Variants in PLCG2 observed in about 807,000 individuals in gnomAD.
The protein encoded by PLCG2 is 1-phosphatidylinositol 4,5-bisphosphate phosphodiesterase gamma-2.
A neutral mutation model predicts 175.6 loss-of-function variants in PLCG2; 69 were observed. The ratio of observed to expected loss-of-function variants is 0.39; its 90% CI spans 0.32 to 0.48. The LOEUF is 0.48. Ranked by LOEUF, PLCG2 falls within the 20% of genes least tolerant of loss-of-function variation. PLCG2 has a pLI of 0.91. For synonymous variants in PLCG2, 827 were observed against 624.0 expected (o/e 1.33, Z -4.85); for missense variants, 1,798 against 1,650.9 (o/e 1.09, Z -1.54).
At chr16:81,956,404 G>A (rs560473714) in intron 31 of PLCG2, among the ~76,000 whole-genome samples, 141 of 152,236 alleles carry the variant, frequency 9.3e-4, no homozygotes, top group African/African-American at 3.3e-3. Flanking sequence ...AAGGAAAACC[G>A]GGTTAGATTA....
intron 7 of PLCG2, among the ~76,000 whole-genome samples, chr16:81,873,149 G>A (rs1272121746): frequency 4.6e-5 from 7 of 152,226 alleles, no homozygotes; most frequent in Admixed American, 4.6e-4. Flanking sequence ...TGGGAGAACT[G>A]GATTCTAGAC....
intron 1 of PLCG2, among the ~76,000 whole-genome samples, chr16:81,742,797 C>G (rs1480500875): frequency 6.6e-6 from 1 of 152,194 alleles, no homozygotes; most frequent in African/African-American, 2.4e-5. Context: ...TCTGGCCAGA[C>G]TTCCTCAGGT....
rs551191301 is a variant in PLCG2 at position 81,962,028 on chromosome 16, C to T, written c.*4030C>T. 1.2e-4 allele frequency: 24 copies of T among 192,096 alleles called. No homozygotes were observed. The highest frequency in any genetic ancestry group is 1.9e-4 in the Non-Finnish European group (17 of 89,924). 11.9% of individuals were successfully genotyped at this position (192,096 alleles called of 1,614,324 possible). ...GGTGGGTGTCCCCTTCCTACCTCAC[C>T]GCTCCATGTGCGTCCCTCCCGAAGC... On this transcript the variant is annotated 3_prime_UTR_variant, in exon 33 of 33. Transcript: ENST00000564138.
intron 2 of PLCG2, among the ~76,000 whole-genome samples, chr16:81,842,011 C>T (rs1262942087): frequency 2.0e-5 from 3 of 152,198 alleles, no homozygotes; most frequent in Admixed American, 1.3e-4. Context: ...CCTGGGGCCA[C>T]GTGATTTTTA....
At chr16:81,863,494 A>G (rs1450928023) in intron 5 of PLCG2, among the ~76,000 whole-genome samples, 1 of 152,218 alleles carries the variant, frequency 6.6e-6, no homozygotes, top group Non-Finnish European at 1.5e-5. Context: ...AATTGTGAAT[A>G]GTGCTGCTGC....
intron 5 of PLCG2, among the ~76,000 whole-genome samples, chr16:81,860,220 T>A (rs1375130142): frequency 2.0e-5 from 3 of 150,400 alleles, no homozygotes; most frequent in Non-Finnish European, 4.4e-5. Context: ...ACATTTTTTT[T>A]TAAAAAAAGC....
intron 8 of PLCG2, among the ~76,000 whole-genome samples, chr16:81,881,403 CT>C (rs1567514014): frequency 6.6e-6 from 1 of 152,210 alleles, no homozygotes; most frequent in Non-Finnish European, 1.5e-5. Flanking sequence ...AATATTATTA[CT>C]AAAAAGTCAG....
chr16:81,806,728 G>A (rs1034177462), intron 2 of PLCG2, among the ~76,000 whole-genome samples: 3 of 152,168 alleles, frequency 2.0e-5, no homozygotes, highest in African/African-American at 7.2e-5. Flanking sequence ...GACATGGAAG[G>A]CCTCACTGAG....
intron 22 of PLCG2, among the ~76,000 whole-genome samples, chr16:81,925,080 C>T (rs62044882): frequency 0.031 from 4,745 of 152,288 alleles, 97 homozygotes; most frequent in Non-Finnish European, 0.047. Flanking sequence ...TCACGGTTTT[C>T]CATTCTGTGT....
intron 15 of PLCG2, among the ~76,000 whole-genome samples, chr16:81,906,636 C>G (rs986746551): frequency 4.6e-5 from 7 of 152,166 alleles, no homozygotes; most frequent in African/African-American, 1.7e-4. Context: ...GTTGGCCAGG[C>G]TGGTCTTGAA....
chr16:81,878,344 C>A (rs1271955077), intron 7 of PLCG2, among the ~76,000 whole-genome samples: 2 of 152,114 alleles, frequency 1.3e-5, no homozygotes, highest in Admixed American at 6.5e-5. Flanking sequence ...CCCAGCAAGG[C>A]CTCATCTTAA....
At chr16:81,849,157 C>T (rs1239248014) in intron 2 of PLCG2, among the ~76,000 whole-genome samples, 1 of 152,050 alleles carries the variant, frequency 6.6e-6, no homozygotes, top group Non-Finnish European at 1.5e-5. Flanking sequence ...TGGGACGTCA[C>T]GGGAAGGCTT....
rs1039884280 is a variant in PLCG2, at chr16:81,820,585, T to G, written c.194-33859T>G. Among the ~76,000 whole-genome samples the G allele has an allele frequency of 1.4e-4, 22 of 151,938 alleles. 1 individual carries two copies. Among genetic ancestry groups the G allele is most frequent in the African/African-American group, 3.6e-4 (15 of 41,424 alleles). ...TTCTCCTCATGGGAGATCTTGGGCATATCAGTTTTCCCCTCTGTATAATGG... is the reference window on the plus strand; with the variant it reads ...TTCTCCTCATGGGAGATCTTGGGCAGATCAGTTTTCCCCTCTGTATAATGG... On this transcript the variant is annotated intron_variant, in intron 2 of 32. Coordinates refer to ENST00000564138, the MANE Select transcript of PLCG2 (RefSeq NM_002661.5).
intron 18 of PLCG2, among the ~76,000 whole-genome samples, chr16:81,912,076 C>T (rs1052893082): frequency 2.0e-5 from 3 of 151,980 alleles, no homozygotes; most frequent in African/African-American, 4.8e-5. Flanking sequence ...GGATTACAGG[C>T]GTGAGCCACC....
chr16:81,805,990 A>T (rs1912004581), intron 2 of PLCG2, among the ~76,000 whole-genome samples: 1 of 151,798 alleles, frequency 6.6e-6, no homozygotes. Flanking sequence ...AGGTAAAAAG[A>T]GGTGAAACTA....
chr16:81,851,451 G>A (rs979410269), intron 2 of PLCG2, among the ~76,000 whole-genome samples: 1 of 152,164 alleles, frequency 6.6e-6, no homozygotes, highest in East Asian at 1.9e-4. Context: ...GTCTACCACC[G>A]TACATGCACA....
intron 10 of PLCG2, among the ~76,000 whole-genome samples, chr16:81,890,631 G>A (rs1367036459): frequency 6.6e-6 from 1 of 152,212 alleles, no homozygotes; most frequent in Non-Finnish European, 1.5e-5. Flanking sequence ...GGTCAGAATG[G>A]TTGCCTTTGA....
Position 81,785,973 on chromosome 16 carries a change from C to A in PLCG2, c.-17C>A, listed in dbSNP as rs753043745. The A allele has an allele frequency of 2.5e-6, 4 of 1,609,514 alleles. No individual in the cohort carries two copies. In the East Asian group the frequency reaches 8.9e-5, roughly 36 times the overall value. On this transcript the variant is annotated 5_prime_UTR_variant, in exon 2 of 33. Transcript: ENST00000564138. Reference sequence around the variant, plus strand: ...TGATTTCTCCCGATTCCTTCCTTCTCCCTGGAGCGGCCGACAATGTCCACC... The same window carrying A: ...TGATTTCTCCCGATTCCTTCCTTCTACCTGGAGCGGCCGACAATGTCCACC...
intron 31 of PLCG2, among the ~76,000 whole-genome samples, chr16:81,948,960 C>T (rs561479776): frequency 6.6e-6 from 1 of 152,164 alleles, no homozygotes; most frequent in Non-Finnish European, 1.5e-5. Context: ...CTCATAGGAT[C>T]TTTCAAAGAC....
Sources: gnomAD v4.1 joint callset for allele counts (sites outside exome capture counted in the v4.1 genomes callset) on GRCh38, gnomAD v4.1.1 for gene constraint, MANE v1.5 for transcripts, NCBI Gene and HGNC (gene_info 2026-07-23, HGNC 2026-07-21) for gene names.